Variants in ATXN7L1 observed in about 807,000 individuals in gnomAD.
The protein encoded by ATXN7L1 is ataxin 7 like 1, also known as ataxin-7-like protein 1.
A neutral mutation model predicts 70.8 loss-of-function variants in ATXN7L1; 15 were observed. The observed-to-expected ratio is 0.21, with a 90% CI of 0.14 to 0.33. The LOEUF (loss-of-function observed/expected upper bound fraction) is 0.33. ATXN7L1 is among the 10% of genes least tolerant of loss of function. ATXN7L1 has a pLI of 1.00. For missense variants in ATXN7L1, 975 were observed against 1,097.1 expected, an observed-to-expected ratio of 0.89 and a Z score of 1.57; for synonymous variants, 440 against 445.1, an observed-to-expected ratio of 0.99 and a Z score of 0.14.
chr7:105,740,274 A>T (rs1280833710), intron 3 of ATXN7L1, among the ~76,000 whole-genome samples: 1 of 152,172 alleles, frequency 6.6e-6, no homozygotes, highest in Non-Finnish European at 1.5e-5. Flanking sequence ...TGATCACAAC[A>T]TGTGAAACTA....
At chr7:105,720,779 C>A (rs971635947) in intron 3 of ATXN7L1, among the ~76,000 whole-genome samples, 1 of 152,104 alleles carries the variant, frequency 6.6e-6, no homozygotes, top group African/African-American at 2.4e-5. Flanking sequence ...TCCTTCTCTA[C>A]CGCAGAGGAG....
rs1818017440 is a variant in ATXN7L1, at chr7:105,870,035, A to C, written c.250+5777T>G. On this transcript the variant is annotated intron_variant, in intron 2 of 11. Transcript: ENST00000419735. ...GGTGGCTCATGCCTGTAATCCCAGC[A>C]CTTTGGGAGGCCGAGGCGGGCGGAT... 5.9e-5 allele frequency among the ~76,000 whole-genome samples: 9 copies of C among 152,288 alleles called. No individual in the cohort carries two copies. In the South Asian group the frequency reaches 1.9e-3, roughly 32 times the overall value.
chr7:105,719,218 T>C (rs1794913873), intron 3 of ATXN7L1, among the ~76,000 whole-genome samples: 1 of 152,076 alleles, frequency 6.6e-6, no homozygotes, highest in South Asian at 2.1e-4. Context: ...TCAGCGCCCA[T>C]CCCCCTTCTT....
chr7:105,761,509 C>G, intron 3 of ATXN7L1: 1 of 1,604,762 alleles, frequency 6.2e-7, no homozygotes, highest in Non-Finnish European at 8.5e-7. Flanking sequence ...ATGGTATCAA[C>G]ATGGCTCCTT....
chr7:105,617,588 A>G (rs1794101099), intron 9 of ATXN7L1, among the ~76,000 whole-genome samples: 2 of 152,300 alleles, frequency 1.3e-5, no homozygotes, highest in South Asian at 4.1e-4. Flanking sequence ...TGTCCCCAGG[A>G]GTCCCTTCCC....
chr7:105,693,878 A>C (rs887834893), intron 3 of ATXN7L1, among the ~76,000 whole-genome samples: 1 of 152,170 alleles, frequency 6.6e-6, no homozygotes, highest in Non-Finnish European at 1.5e-5. Flanking sequence ...AGTGAAATGC[A>C]GCAGTTGCCT....
In ATXN7L1 at chr7:105,788,626, T is replaced by C. The variant is rs1585007595; in HGVS notation, c.333A>G (p.Pro111=). The part of the protein sequence containing the change: ...VCSACNQVVK[P]QVFQSHCERR... ...TACCGCAGTGCGACTGGAAAACCTG[T>C]GGCTTGACGACCTGGTTACAGGCAC... The change falls in exon 3 of 12, where the codon CCA becomes CCG. Residue 111 remains proline (P), a synonymous_variant. Transcript: ENST00000419735. 4 of 1,613,592 alleles carry C rather than the reference T, an allele frequency of 2.5e-6. No individual in the cohort carries two copies. The East Asian group carries it at 8.9e-5, about 36-fold the overall frequency.
chr7:105,676,573 C>T (rs1430835205), intron 3 of ATXN7L1, among the ~76,000 whole-genome samples: 2 of 152,152 alleles, frequency 1.3e-5, no homozygotes, highest in African/African-American at 2.4e-5. Flanking sequence ...GGCATAGTGG[C>T]TCACACCTGT....
At chr7:105,637,955 A>G (rs1797630604) in intron 7 of ATXN7L1, among the ~76,000 whole-genome samples, 1 of 152,170 alleles carries the variant, frequency 6.6e-6, no homozygotes, top group Admixed American at 6.5e-5. Context: ...CCGCTCCAGG[A>G]ATCGTCAACT....
At chr7:105,823,568 C>A in intron 2 of ATXN7L1, among the ~76,000 whole-genome samples, 1 of 152,224 alleles carries the variant, frequency 6.6e-6, no homozygotes, top group Non-Finnish European at 1.5e-5. Context: ...CCATCCCCAG[C>A]AGTGCCTTGA....
chr7:105,759,387 G>A (rs1455360120), intron 3 of ATXN7L1, among the ~76,000 whole-genome samples: 3 of 151,714 alleles, frequency 2.0e-5, no homozygotes, highest in Non-Finnish European at 4.4e-5. Context: ...CAGCAGGGAG[G>A]TGAGGCTTAA....
At chr7:105,704,040 C>A (rs1420669740) in intron 3 of ATXN7L1, among the ~76,000 whole-genome samples, 1 of 152,090 alleles carries the variant, frequency 6.6e-6, no homozygotes, top group Non-Finnish European at 1.5e-5. Context: ...CTCACCACAT[C>A]TATCTTTTAC....
chr7:105,626,430 T>C (rs960402187), intron 7 of ATXN7L1, among the ~76,000 whole-genome samples: 24 of 152,190 alleles, frequency 1.6e-4, no homozygotes, highest in African/African-American at 5.5e-4. Flanking sequence ...CTACACAACA[T>C]TGTGAATGTA....
chr7:105,641,194 TTCTC>T lies in ATXN7L1; in HGVS notation c.863-1629_863-1626del, dbSNP rs1239270241. On this transcript the variant is annotated intron_variant, in intron 5 of 11. Transcript: ENST00000419735. ...CCTTTTTTTGCTTTTTGTCTGCCTT[TTCTC>T]TCTCTCTCTCTCTCTCTTTTTTTTT... is the stretch of plus-strand genomic sequence containing the variant. 1.7e-3 allele frequency among the ~76,000 whole-genome samples: 179 copies of T among 105,974 alleles called. 4 individuals are homozygous for T. Among genetic ancestry groups the T allele is most frequent in the African/African-American group, 2.4e-3 (70 of 28,844 alleles). 69.5% of individuals were successfully genotyped at this position (105,974 alleles called of 152,430 possible).
At chr7:105,687,777 G>A (rs921674350) in intron 3 of ATXN7L1, among the ~76,000 whole-genome samples, 1 of 152,128 alleles carries the variant, frequency 6.6e-6, no homozygotes, top group Admixed American at 6.5e-5. Context: ...TCCTTGGGCT[G>A]TGTTTCAGAG....
At chr7:105,870,085 T>C (rs535440990) in intron 2 of ATXN7L1, among the ~76,000 whole-genome samples, 46 of 152,006 alleles carry the variant, frequency 3.0e-4, no homozygotes, top group Non-Finnish European at 4.4e-4. Context: ...ATCGAGACCA[T>C]ACTGGTTAAC....
chr7:105,810,741 C>T (rs917546459), intron 2 of ATXN7L1, among the ~76,000 whole-genome samples: 4 of 152,118 alleles, frequency 2.6e-5, no homozygotes, highest in African/African-American at 9.7e-5. Flanking sequence ...GGCATGGGGG[C>T]GGCGGAAAGG....
At chr7:105,640,075 T>G in intron 5 of ATXN7L1, among the ~76,000 whole-genome samples, 1 of 152,150 alleles carries the variant, frequency 6.6e-6, no homozygotes, top group Middle Eastern at 3.2e-3. Flanking sequence ...AATGGGAGAT[T>G]ACTCCTTGAC....
intron 3 of ATXN7L1, among the ~76,000 whole-genome samples, chr7:105,734,374 A>C (rs1797146014): frequency 6.6e-6 from 1 of 152,254 alleles, no homozygotes; most frequent in Non-Finnish European, 1.5e-5. Context: ...ACTGCCTCTC[A>C]GTGGGCCTCA....
Sources: allele counts gnomAD v4.1 joint callset (sites outside exome capture counted in the v4.1 genomes callset), GRCh38; gene constraint gnomAD v4.1.1; transcripts MANE v1.5; gene names NCBI Gene and HGNC (gene_info 2026-07-23, HGNC 2026-07-21).